The following ADGRL4 variants were observed in gnomAD, a reference collection of about 807,000 sequenced individuals.
ADGRL4 encodes the protein adhesion G protein-coupled receptor L4, also known as EGF, latrophilin and seven transmembrane domain containing 1.
A neutral mutation model predicts 74.8 loss-of-function variants in ADGRL4; 90 were observed. That is an observed-to-expected ratio of 1.20 (90% CI 1.02 to 1.43). The LOEUF is 1.43. ADGRL4 is among the 40% of genes most tolerant of loss of function. The probability of loss-of-function intolerance (pLI) is 0.00; values close to 1 mark genes in which losing one functional copy is unlikely to be tolerated. For missense variants in ADGRL4, 881 were observed against 814.3 expected (o/e 1.08, Z -1.00); for synonymous variants, 311 against 279.2 (o/e 1.11, Z -1.14).
intron 8 of ADGRL4, among the ~76,000 whole-genome samples, chr1:78,925,032 G>T (rs1424801221): frequency 6.6e-6 from 1 of 152,054 alleles, no homozygotes; most frequent in African/African-American, 2.4e-5. Context: ...ATAAGGTAGA[G>T]ACTTGAGTCT....
intron 12 of ADGRL4, among the ~76,000 whole-genome samples, chr1:78,898,282 G>A (rs1386761120): frequency 3.9e-5 from 6 of 152,056 alleles, no homozygotes; most frequent in African/African-American, 1.2e-4. Context: ...TATCATGATA[G>A]CAGACTTGGG....
At chr1:78,921,541 ATT>A in intron 9 of ADGRL4, 70 bp downstream of exon 9, 1 of 965,906 alleles carries the variant, frequency 1.0e-6, no homozygotes, top group African/African-American at 1.7e-5. Context: ...AAAATTAAAT[ATT>A]GTCTCGAATG....
intron 2 of ADGRL4, among the ~76,000 whole-genome samples, chr1:78,972,991 CTGTAGT>C (rs1650201433): frequency 6.6e-6 from 1 of 152,162 alleles, no homozygotes; most frequent in Admixed American, 6.6e-5. Context: ...GCACATACTT[CTGTAGT>C]TTTAAAGGAA....
Position 78,925,577 on chromosome 1 carries a change from C to A in ADGRL4, c.1083+1309G>T, listed in dbSNP as rs973032916. On this transcript the variant is annotated intron_variant, in intron 8 of 14. Transcript: ENST00000370742. ...ATTTTCTCAGGGGAAAAAATGGGAG[C>A]GAAATTTCATTCTCAGAGCAAGGGA... Among the ~76,000 whole-genome samples, 15 of 151,870 alleles carry A rather than the reference C, an allele frequency of 9.9e-5. No individual in the cohort carries two copies. In the South Asian group the frequency reaches 1.5e-3, roughly 15 times the overall value.
intron 2 of ADGRL4, among the ~76,000 whole-genome samples, chr1:78,969,707 G>GTTTTTTGGT (rs1360545626): frequency 6.9e-6 from 1 of 144,032 alleles, no homozygotes; most frequent in African/African-American, 2.5e-5. Context: ...TGATTTGTGG[G>GTTTTTTGGT]TTTTTTTTTT....
chr1:78,988,650 C>T (rs1011468079), intron 2 of ADGRL4, among the ~76,000 whole-genome samples: 1 of 151,822 alleles, frequency 6.6e-6, no homozygotes, highest in Non-Finnish European at 1.5e-5. Context: ...TCCCTCTCAA[C>T]CAGTTTCTGT....
At chr1:78,968,470 T>G (rs988187496) in intron 2 of ADGRL4, among the ~76,000 whole-genome samples, 1 of 119,456 alleles carries the variant, frequency 8.4e-6, no homozygotes, top group Admixed American at 1.1e-4. Flanking sequence ...CAACCAGGGA[T>G]GCATAATCGC....
At chr1:78,893,305 T>C in intron 12 of ADGRL4, 116 bp from the exon 13 acceptor site, 2 of 701,838 alleles carry the variant, frequency 2.8e-6, no homozygotes, top group Non-Finnish European at 2.4e-6. Context: ...ATGGCATTTA[T>C]ATAGTTCTTT....
chr1:78,957,951 T>A (rs1052930754), intron 2 of ADGRL4, among the ~76,000 whole-genome samples: 12 of 152,184 alleles, frequency 7.9e-5, no homozygotes, highest in African/African-American at 2.7e-4. Context: ...CCAGTGCTCA[T>A]TTACCATTCC....
At chr1:78,973,988 T>C (rs1182497338) in intron 2 of ADGRL4, among the ~76,000 whole-genome samples, 1 of 152,110 alleles carries the variant, frequency 6.6e-6, no homozygotes, top group East Asian at 1.9e-4. Context: ...AAAATATAGC[T>C]TCTTTCTTTG....
At chr1:78,902,145 T>C (rs1648533784) in intron 12 of ADGRL4, among the ~76,000 whole-genome samples, 1 of 152,148 alleles carries the variant, frequency 6.6e-6, no homozygotes, top group South Asian at 2.1e-4. Context: ...CTACCAGGCA[T>C]TGACTGCAGA....
chr1:78,933,252 C>G (rs1649284018), intron 7 of ADGRL4, among the ~76,000 whole-genome samples: 1 of 151,444 alleles, frequency 6.6e-6, no homozygotes, highest in Non-Finnish European at 1.5e-5. Flanking sequence ...AGCTTCATCC[C>G]TGGGATGCAA....
chr1:78,922,067 A>C (rs1410914358), intron 8 of ADGRL4, among the ~76,000 whole-genome samples: 1 of 152,048 alleles, frequency 6.6e-6, no homozygotes, highest in Non-Finnish European at 1.5e-5. Flanking sequence ...TCTTTATTCA[A>C]TACAAGTTTG....
At chr1:78,936,773 G>A (rs1447873278) in intron 6 of ADGRL4, among the ~76,000 whole-genome samples, 1 of 152,106 alleles carries the variant, frequency 6.6e-6, no homozygotes, top group Non-Finnish European at 1.5e-5. Context: ...TTAATTAAAC[G>A]TTTGAGTGAT....
chr1:78,979,992 G>A (rs752866336), intron 2 of ADGRL4, among the ~76,000 whole-genome samples: 7 of 151,842 alleles, frequency 4.6e-5, no homozygotes, highest in Non-Finnish European at 4.4e-5. Context: ...GCTAAAGAAC[G>A]TATCCACGGA....
intron 12 of ADGRL4, among the ~76,000 whole-genome samples, chr1:78,900,358 C>T (rs1648491712): frequency 6.6e-6 from 1 of 152,158 alleles, no homozygotes; most frequent in African/African-American, 2.4e-5. Context: ...TCATGCTATA[C>T]CCAGACTTCT....
At position 78,911,235 on chromosome 1, in the gene ADGRL4, T is replaced by C. The variant is rs78784679; in HGVS notation, c.1749+6399A>G. On this transcript the variant is annotated intron_variant, in intron 12 of 14. Coordinates refer to ENST00000370742, the MANE Select transcript of ADGRL4 (RefSeq NM_022159.4). ...CTGTAAGGATTCCATGTAGGAATGA[T>C]TGGGATTAAAGATTGCTCTATAGAG... Among the ~76,000 whole-genome samples the C allele has an allele frequency of 1.3e-3, 204 of 151,962 alleles. 2 individuals are homozygous for C. The highest frequency in any genetic ancestry group is 4.6e-3 in the African/African-American group (189 of 41,524).
At chr1:78,903,431 A>G (rs2100656770) in intron 12 of ADGRL4, among the ~76,000 whole-genome samples, 1 of 152,190 alleles carries the variant, frequency 6.6e-6, no homozygotes, top group East Asian at 1.9e-4. Context: ...TCATGTAAAA[A>G]GTCCATATAA....
chr1:78,920,940 G>GA (rs1261162021), intron 9 of ADGRL4, among the ~76,000 whole-genome samples: 3 of 151,798 alleles, frequency 2.0e-5, no homozygotes, highest in Middle Eastern at 3.4e-3. Flanking sequence ...TTAAGTTCAG[G>GA]AAAAAATCAT....
Sources: allele counts gnomAD v4.1 joint callset (sites outside exome capture counted in the v4.1 genomes callset), GRCh38; gene constraint gnomAD v4.1.1; transcripts MANE v1.5; gene names NCBI Gene and HGNC (gene_info 2026-07-23, HGNC 2026-07-21).